ERCC3: variants seen among roughly 807,000 people sequenced by gnomAD.
ERCC3 encodes general transcription and DNA repair factor IIH helicase/translocase subunit XPB.
Under a neutral mutation model 94.2 loss-of-function variants are expected in ERCC3, and 66 were observed. The observed-to-expected ratio is 0.70, with a 90% CI of 0.57 to 0.86. The LOEUF (loss-of-function observed/expected upper bound fraction) is 0.86. Ranked by LOEUF, ERCC3 falls within the 40% of genes least tolerant of loss-of-function variation. The pLI is 0.00. For missense variants in ERCC3, 829 were observed against 987.1 expected, an observed-to-expected ratio of 0.84 and a Z score of 2.15; for synonymous variants, 349 against 369.1, an observed-to-expected ratio of 0.95 and a Z score of 0.63.
chr2:127,278,069 A>G (rs1280073022), intron 10 of ERCC3, among the ~76,000 whole-genome samples: 1 of 151,788 alleles, frequency 6.6e-6, no homozygotes, highest in Admixed American at 6.6e-5. Flanking sequence ...GCAAAACCCC[A>G]TCTCTACAAA....
Position 127,279,787 on chromosome 2 carries a change from G to C in ERCC3, c.1528-412C>G, listed in dbSNP as rs1684850418. On this transcript the variant is annotated intron_variant, in intron 9 of 14. Coordinates refer to ENST00000285398, the MANE Select transcript of ERCC3 (RefSeq NM_000122.2). This position sits in a 1 kb window ranked among gnomAD's most constrained non-coding sequence, Gnocchi z 4.7. ...AAAAAAAAAAATGCTATGTGAATTA[G>C]AAATCAGTACAACTGAAAATAAATG... is the stretch of plus-strand genomic sequence containing the variant. Among the ~76,000 whole-genome samples the C allele has an allele frequency of 6.6e-6, 1 of 151,936 alleles. No individual in the cohort carries two copies. The highest frequency in any genetic ancestry group is 1.5e-5 in the Non-Finnish European group (1 of 67,998).
rs1034431337 is a variant in ERCC3, at chr2:127,291,813, T to G, written c.471+797A>C. 1.3e-5 allele frequency: 2 copies of G among 152,568 alleles called. No homozygotes were observed. The highest frequency in any genetic ancestry group is 1.9e-4 in the East Asian group (1 of 5,198). The allele number at this position is 152,568 out of a possible 1,614,324, so 9.5% of individuals were successfully genotyped here. ...TATTAATCACATGGAACCCTCTTTG[T>G]TTTGTCAAAAACATCTGAAGTTGTT... On this transcript the variant is annotated intron_variant, in intron 3 of 14. Transcript: ENST00000285398. The surrounding 1 kb of genome is among the most constrained non-coding windows in gnomAD (Gnocchi z 4.9).
chr2:127,257,789 T>C lies in ERCC3; in HGVS notation c.2218-62A>G, dbSNP rs1371290144. The C allele has an allele frequency of 1.3e-6, 2 of 1,576,102 alleles. No homozygotes were observed. Among genetic ancestry groups the C allele is most frequent in the Non-Finnish European group, 1.7e-6 (2 of 1,146,824 alleles). On this transcript the variant is annotated intron_variant, in intron 14 of 14. Coordinates refer to ENST00000285398, the MANE Select transcript of ERCC3 (RefSeq NM_000122.2). The surrounding 1 kb of genome is among the most constrained non-coding windows in gnomAD (Gnocchi z 5.4). ...AGAAGAAAAGATACTCCTTTTATAA[T>C]ACTTATAATCACAGCAAATTTTATA...
Position 127,259,519 on chromosome 2 carries a change from G to T in ERCC3, c.2065-71C>A. ...CCCAGCCCTCCTCTGCCTTCTCCTGGGTCCACCTGCTTTGGTCACTTCCCT... is the reference window on the plus strand; with the variant it reads ...CCCAGCCCTCCTCTGCCTTCTCCTGTGTCCACCTGCTTTGGTCACTTCCCT... On this transcript the variant is annotated intron_variant, in intron 13 of 14. Coordinates refer to ENST00000285398, the MANE Select transcript of ERCC3 (RefSeq NM_000122.2). The surrounding 1 kb of genome is among the most constrained non-coding windows in gnomAD (Gnocchi z 4.9). The T allele has an allele frequency of 5.0e-6, 8 of 1,600,594 alleles. No individual in the cohort carries two copies. The highest frequency in any genetic ancestry group is 6.0e-6 in the Non-Finnish European group (7 of 1,172,760).
At chr2:127,272,002 CATTT>C (rs1471430594) in intron 11 of ERCC3, among the ~76,000 whole-genome samples, 11 of 134,578 alleles carry the variant, frequency 8.2e-5, no homozygotes, top group African/African-American at 3.0e-4. Context: ...CATAAAATCT[CATTT>C]CTTTTTTTTT....
rs562799020 is a variant in ERCC3 at position 127,287,235 on chromosome 2, G to A, written c.1028-218C>T. On this transcript the variant is annotated intron_variant, in intron 7 of 14. Coordinates refer to ENST00000285398, the MANE Select transcript of ERCC3 (RefSeq NM_000122.2). ...ATATGTGAGAAATGGCAGGCGCTGG[G>A]GCCTACTGTAGCACTTTACACACAT... Among the ~76,000 whole-genome samples the A allele has an allele frequency of 3.3e-5, 5 of 152,230 alleles. No individual in the cohort carries two copies. In the South Asian group the frequency reaches 1.0e-3, roughly 32 times the overall value.
At position 127,280,683 on chromosome 2, in the gene ERCC3, A is replaced by G. The variant is rs1385747131; in HGVS notation, c.1343-52T>C. 2.7e-6 allele frequency: 4 copies of G among 1,463,534 alleles called. No individual in the cohort carries two copies. The highest frequency in any genetic ancestry group is 3.8e-6 in the Non-Finnish European group (4 of 1,063,220). The allele number at this position is 1,463,534 out of a possible 1,614,324, so 90.7% of individuals were successfully genotyped here. A position where few individuals can be genotyped will look rare whatever the true frequency, so the allele number is the denominator to read the frequency against. ...CTGTCACTTTTCTTTCTTATTTTTT[A>G]TTTATTTATTTTAAAATATTTTTTG... On this transcript the variant is annotated intron_variant, in intron 8 of 14. Coordinates refer to ENST00000285398, the MANE Select transcript of ERCC3 (RefSeq NM_000122.2). The surrounding 1 kb of genome is among the most constrained non-coding windows in gnomAD (Gnocchi z 6.3).
At chr2:127,293,423 C>G in intron 2 of ERCC3, 90 bp downstream of exon 2, 1 of 1,205,592 alleles carries the variant, frequency 8.3e-7, no homozygotes. Context: ...GGGCAGTATC[C>G]TGAATGTCAG....
chr2:127,277,100 A>C lies in ERCC3; in HGVS notation c.1730+2073T>G, dbSNP rs563674168. Among the ~76,000 whole-genome samples, 1 of 152,276 alleles carries C rather than the reference A, an allele frequency of 6.6e-6. No individual in the cohort carries two copies. Among genetic ancestry groups the C allele is most frequent in the East Asian group, 1.9e-4 (1 of 5,178 alleles). The stretch of plus-strand genomic sequence containing the variant: ...AGAGGGTGGAGATTTCAGGGTGGGA[A>C]ACACAACAAAGAGGCCCAGGGAAGT... On this transcript the variant is annotated intron_variant, in intron 10 of 14. Coordinates refer to ENST00000285398, the MANE Select transcript of ERCC3 (RefSeq NM_000122.2). This position sits in a 1 kb window ranked among gnomAD's most constrained non-coding sequence, Gnocchi z 5.1.
chr2:127,270,664 T>C (rs1684519474), intron 12 of ERCC3, among the ~76,000 whole-genome samples: 1 of 152,208 alleles, frequency 6.6e-6, no homozygotes. Flanking sequence ...TGTGTCCTTG[T>C]CTCAGGATGT....
rs763142317 is a variant in ERCC3 at position 127,291,660 on chromosome 2, T to C, written c.471+950A>G. Among the ~76,000 whole-genome samples, 1 of 152,244 alleles carries C rather than the reference T, an allele frequency of 6.6e-6. No homozygotes were observed. The highest frequency in any genetic ancestry group is 2.4e-5 in the African/African-American group (1 of 41,458). On this transcript the variant is annotated intron_variant, in intron 3 of 14. Transcript: ENST00000285398. This position sits in a 1 kb window ranked among gnomAD's most constrained non-coding sequence, Gnocchi z 4.9. ...ACCATACTGAATTCCTGTGGCACTCTTCTGCCACTCCAGATCCCAAGGTCT... is the reference window on the plus strand; with the variant it reads ...ACCATACTGAATTCCTGTGGCACTCCTCTGCCACTCCAGATCCCAAGGTCT...
Position 127,271,497 on chromosome 2 carries a change from A to G in ERCC3, c.1828-44T>C. ...AGGTTTTTATATATGAGGAAAAAAA[A>G]AAAGTCAACTGATCCAGAATTTAAA... On this transcript the variant is annotated intron_variant, in intron 11 of 14. Coordinates refer to ENST00000285398, the MANE Select transcript of ERCC3 (RefSeq NM_000122.2). The surrounding 1 kb of genome is among the most constrained non-coding windows in gnomAD (Gnocchi z 5.0). 7.6e-7 allele frequency: 1 copy of G among 1,307,724 alleles called. No individual in the cohort carries two copies. Among genetic ancestry groups the G allele is most frequent in the Non-Finnish European group, 1.1e-6 (1 of 902,094 alleles). The allele number at this position is 1,307,724 out of a possible 1,614,324, so 81.0% of individuals were successfully genotyped here.
At chr2:127,263,263 AATG>A (rs1312622139) in intron 12 of ERCC3, among the ~76,000 whole-genome samples, 1 of 152,186 alleles carries the variant, frequency 6.6e-6, no homozygotes, top group Non-Finnish European at 1.5e-5. Flanking sequence ...TGGCAATTTT[AATG>A]ATATTGCTTC....
At chr2:127,268,163 A>G (rs1025385681) in intron 12 of ERCC3, among the ~76,000 whole-genome samples, 2 of 152,102 alleles carry the variant, frequency 1.3e-5, no homozygotes, top group African/African-American at 4.8e-5. Context: ...CATGTTGGCC[A>G]GGCTGGTCTG....
Position 127,294,139 on chromosome 2 carries a change from C to A in ERCC3, c.-58G>T, listed in dbSNP as rs1167392883. 4 of 1,585,168 alleles carry A rather than the reference C, an allele frequency of 2.5e-6. No individual in the cohort carries two copies. Among genetic ancestry groups the A allele is most frequent in the African/African-American group, 1.3e-5 (1 of 74,440 alleles). The stretch of plus-strand genomic sequence containing the variant: ...GCTCCCACAGGCCCGCCGCGGCATC[C>A]GCTCTGGGGGGACTTCCGGCTCAAT... On this transcript the variant is annotated 5_prime_UTR_variant, in exon 1 of 15. Transcript: ENST00000285398.
At chr2:127,272,344 G>A (rs1684585868) in intron 11 of ERCC3, among the ~76,000 whole-genome samples, 2 of 151,974 alleles carry the variant, frequency 1.3e-5, no homozygotes, top group African/African-American at 4.8e-5. Context: ...CATTTCTTTT[G>A]GGCTTTGGGT....
intron 12 of ERCC3, among the ~76,000 whole-genome samples, chr2:127,266,063 T>C (rs951210306): frequency 1.3e-5 from 2 of 151,932 alleles, no homozygotes; most frequent in African/African-American, 4.8e-5. Flanking sequence ...AGTTGTTTAG[T>C]TTCTATGTAA....
intron 10 of ERCC3, among the ~76,000 whole-genome samples, chr2:127,275,633 G>GC (rs970846364): frequency 6.6e-6 from 1 of 152,228 alleles, no homozygotes; most frequent in Non-Finnish European, 1.5e-5. Context: ...GACTGGAGGA[G>GC]CATTGCTGTG....
Position 127,279,080 on chromosome 2 carries a change from G to T in ERCC3, c.1730+93C>A. 1.1e-6 allele frequency: 1 copy of T among 870,700 alleles called. No homozygotes were observed. 53.9% of individuals were successfully genotyped at this position (870,700 alleles called of 1,614,324 possible). ...TTTGGAGCCCAAGAAGTTCCTGAGA[G>T]AAAAACAAAAAAACAAAACAACAGC... On this transcript the variant is annotated intron_variant, in intron 10 of 14. Transcript: ENST00000285398. This position sits in a 1 kb window ranked among gnomAD's most constrained non-coding sequence, Gnocchi z 4.7.
Sources: gnomAD v4.1 joint callset for allele counts (sites outside exome capture counted in the v4.1 genomes callset) on GRCh38, gnomAD v4.1.1 for gene constraint, Gnocchi (gnomAD v3.1) non-coding constraint, MANE v1.5 for transcripts, NCBI Gene and HGNC (gene_info 2026-07-23, HGNC 2026-07-21) for gene names.